The following GET1 variants were observed in gnomAD, a reference collection of about 807,000 sequenced individuals.
GET1 encodes congenital heart disease 5 protein.
GET1 carries 20 observed loss-of-function variants against 22.6 expected under a neutral mutation model. The observed-to-expected ratio is 0.89, with a 90% CI of 0.62 to 1.29. The LOEUF is 1.29. GET1 is among the 50% of genes most tolerant of loss of function. The pLI, the probability that GET1 is intolerant of heterozygous loss-of-function variation, is 0.00. For missense variants in GET1, 209 were observed against 219.9 expected (o/e 0.95, Z 0.31); for synonymous variants, 92 against 83.8 (o/e 1.10, Z -0.53).
At chr21:39,413,702 T>C (rs933803684) in intron 1 of GET1, 1 of 152,146 alleles carries the variant, frequency 6.6e-6, no homozygotes, top group African/African-American at 2.4e-5. Flanking sequence ...CCATGAAAAG[T>C]TGATCAGGTG....
chr21:39,426,661 G>A (rs1337623562), intron 1 of GET1, among the ~76,000 whole-genome samples: 1 of 152,190 alleles, frequency 6.6e-6, no homozygotes, highest in Non-Finnish European at 1.5e-5. Flanking sequence ...TTCAAATAAG[G>A]TTTTTGTTGC....
At chr21:39,421,205 C>T (rs957926147) in intron 1 of GET1, among the ~76,000 whole-genome samples, 1 of 149,692 alleles carries the variant, frequency 6.7e-6, no homozygotes, top group East Asian at 2.0e-4. Flanking sequence ...TGGGTTCAAA[C>T]GATTCTCCTG....
At chr21:39,422,001 A>G (rs2073847835) in intron 1 of GET1, 2 of 152,242 alleles carry the variant, frequency 1.3e-5, no homozygotes, top group African/African-American at 2.4e-5. Context: ...GATGAATACA[A>G]TATTACCTAA....
At chr21:39,387,974 G>A (rs2038034879) in intron 1 of GET1, 1 of 554,920 alleles carries the variant, frequency 1.8e-6, no homozygotes, top group African/African-American at 2.1e-5. Flanking sequence ...AAACACAAAT[G>A]TGCAGAAAAG....
At chr21:39,423,036 T>A in intron 1 of GET1, 1 of 1,614,138 alleles carries the variant, frequency 6.2e-7, no homozygotes, top group Non-Finnish European at 8.5e-7. Context: ...TATGAGTGAG[T>A]TCTTCCCTTT....
At chr21:39,388,833 G>C (rs1444710042) in intron 1 of GET1, among the ~76,000 whole-genome samples, 1 of 152,204 alleles carries the variant, frequency 6.6e-6, no homozygotes, top group Non-Finnish European at 1.5e-5. Flanking sequence ...TCCCTGGAGA[G>C]TGGACGGCTG....
At chr21:39,415,949 G>A (rs2041070678) in intron 1 of GET1, among the ~76,000 whole-genome samples, 1 of 152,136 alleles carries the variant, frequency 6.6e-6, no homozygotes, top group Admixed American at 6.5e-5. Context: ...GCATGAGTAG[G>A]TGGTGGTGTG....
At chr21:39,380,528 G>T (rs1227005651) in intron 1 of GET1, 42 bp downstream of exon 1, 2 of 1,583,054 alleles carry the variant, frequency 1.3e-6, no homozygotes, top group South Asian at 1.1e-5. Context: ...TGGGGATGCC[G>T]CCCCAGTCCC....
At chr21:39,423,259 G>T in intron 1 of GET1, 1 of 1,609,890 alleles carries the variant, frequency 6.2e-7, no homozygotes, top group Non-Finnish European at 8.5e-7. Flanking sequence ...TTTTCCTATA[G>T]CTTTCAAATG....
chr21:39,412,049 A>G (rs2040176165), intron 1 of GET1, among the ~76,000 whole-genome samples: 1 of 152,166 alleles, frequency 6.6e-6, no homozygotes, highest in African/African-American at 2.4e-5. Flanking sequence ...CAGCTTGTCC[A>G]CTGTTTTCCT....
chr21:39,386,391 C>T (rs1210319310), intron 1 of GET1: 6 of 152,274 alleles, frequency 3.9e-5, no homozygotes, highest in Non-Finnish European at 7.3e-5. Flanking sequence ...TCCTGTGACT[C>T]AGAAGCGCGC....
exon 5 of GET1, chr21:39,406,396 T>A (rs1351579166): frequency 1.9e-6 from 3 of 1,614,002 alleles, no homozygotes; most frequent in East Asian, 2.2e-5. Context: ...ATCCACACCA[T>A]TTCTCTGCAT....
Position 39,390,746 on chromosome 21 carries a change from G to A in GET1, c.151G>A (p.Ala51Thr). 1 of 1,614,212 alleles carries A rather than the reference G, an allele frequency of 6.2e-7. No individual in the cohort carries two copies. The highest frequency in any genetic ancestry group is 8.5e-7 in the Non-Finnish European group (1 of 1,180,040). The change falls in exon 2 of 5, where the codon GCG (alanine) becomes ACG (threonine). Residue 51 changes from alanine (A) to threonine (T), a missense_variant. Transcript: ENST00000649170. ...CGCGGAGCAGGAGTCACAGATGAGA[G>A]CGGAGATCCAGGACATGAAGCAGGA... Reference protein sequence around the residue: ...KDAEQESQMRAEIQDMKQELS... With the variant: ...KDAEQESQMRTEIQDMKQELS...
rs7281336 is a variant in GET1, at chr21:39,425,047, A to G, written c.*24-3185A>G. Among the ~76,000 whole-genome samples the G allele has an allele frequency of 4.6e-3, 704 of 152,336 alleles. 6 individuals are homozygous for G. The highest frequency in any genetic ancestry group is 0.016 in the African/African-American group (662 of 41,582). On this transcript the variant is annotated intron_variant, in intron 1 of 1. Coordinates refer to the GET1 transcript ENST00000478273. ...GTGTGCATTTGTAGGATATAGAGGTATATGTATGTGTGCACCTGTGTATGT... is the reference window on the plus strand; with the variant it reads ...GTGTGCATTTGTAGGATATAGAGGTGTATGTATGTGTGCACCTGTGTATGT...
intron 4 of GET1, among the ~76,000 whole-genome samples, chr21:39,404,862 G>C (rs1239678200): frequency 7.2e-6 from 1 of 138,738 alleles, no homozygotes; most frequent in African/African-American, 2.7e-5. Flanking sequence ...ATGGAGTCTC[G>C]CTCTGTCACC....
intron 1 of GET1, 57 bp from the exon 2 acceptor site, chr21:39,390,641 G>A: frequency 6.3e-6 from 10 of 1,596,640 alleles, no homozygotes; most frequent in Non-Finnish European, 7.7e-6. Flanking sequence ...GGGGGACTGG[G>A]GAACCCTCCT....
chr21:39,411,322 C>G (rs1036657220), downstream of GET1, among the ~76,000 whole-genome samples: 1 of 152,100 alleles, frequency 6.6e-6, no homozygotes, highest in Non-Finnish European at 1.5e-5. Flanking sequence ...TCTGTCAAAA[C>G]CCACTGAGCT....
chr21:39,405,126 C>T (rs1317141976), intron 4 of GET1, among the ~76,000 whole-genome samples: 3 of 151,874 alleles, frequency 2.0e-5, no homozygotes, highest in Non-Finnish European at 4.4e-5. Context: ...AGCCATGGCA[C>T]CCAGCCTATT....
chr21:39,387,179 G>A (rs1408684314), intron 1 of GET1, among the ~76,000 whole-genome samples: 3 of 152,156 alleles, frequency 2.0e-5, no homozygotes, highest in Admixed American at 2.0e-4. Context: ...GCTTATACAT[G>A]TAATAGATGT....
Sources: gnomAD v4.1 joint callset for allele counts (sites outside exome capture counted in the v4.1 genomes callset) on GRCh38, gnomAD v4.1.1 for gene constraint, MANE v1.5 for transcripts, NCBI Gene and HGNC (gene_info 2026-07-23, HGNC 2026-07-21) for gene names.